The following ZFAT variants were observed in gnomAD, a reference collection of about 807,000 sequenced individuals.
The protein encoded by ZFAT is zinc finger and AT-hook domain containing.
ZFAT carries 64 observed loss-of-function variants against 117.7 expected under a neutral mutation model. That is an observed-to-expected ratio of 0.54 (90% CI 0.44 to 0.67). ZFAT has a LOEUF of 0.67. Ranked by LOEUF, ZFAT falls within the 30% of genes least tolerant of loss-of-function variation. The probability of loss-of-function intolerance (pLI) is 0.00; values close to 1 mark genes in which losing one functional copy is unlikely to be tolerated. For missense variants in ZFAT, 1,433 were observed against 1,584.5 expected (o/e 0.90, Z 1.62); for synonymous variants, 679 against 615.0 (o/e 1.10, Z -1.54).
chr8:134,484,363 G>A (rs1817525097), intron 15 of ZFAT, among the ~76,000 whole-genome samples: 2 of 152,210 alleles, frequency 1.3e-5, no homozygotes, highest in Non-Finnish European at 2.9e-5. Flanking sequence ...TGTAGAACCT[G>A]TAAGTGATGA....
intron 15 of ZFAT, among the ~76,000 whole-genome samples, chr8:134,480,078 C>T (rs1206200105): frequency 6.6e-6 from 1 of 151,962 alleles, no homozygotes; most frequent in Non-Finnish European, 1.5e-5. Flanking sequence ...CCTCCTGCCT[C>T]AGCCTCCCAA....
chr8:134,639,133 G>C (rs1830439479), intron 2 of ZFAT, among the ~76,000 whole-genome samples: 1 of 152,224 alleles, frequency 6.6e-6, no homozygotes. Flanking sequence ...ACAAATCAGA[G>C]AGGGAGGCCA....
At chr8:134,538,657 C>A (rs1340022250) in intron 11 of ZFAT, among the ~76,000 whole-genome samples, 1 of 151,392 alleles carries the variant, frequency 6.6e-6, no homozygotes, top group East Asian at 1.9e-4. Flanking sequence ...ATTAGCCGGG[C>A]ATGGTGGTAC....
At chr8:134,699,694 A>G (rs1383500006) in intron 1 of ZFAT, among the ~76,000 whole-genome samples, 1 of 152,194 alleles carries the variant, frequency 6.6e-6, no homozygotes, top group Non-Finnish European at 1.5e-5. Context: ...CCCTCCGTTT[A>G]TTTGTCTGTA....
chr8:134,805,149 AAAT>A, the ZFAT span, among the ~76,000 whole-genome samples: 17 of 152,234 alleles, frequency 1.1e-4, no homozygotes, highest in African/African-American at 3.6e-4. Flanking sequence ...TTTTAAAAGA[AAAT>A]ACGCATTACA....
At chr8:134,708,849 G>A (rs1813883632) in intron 1 of ZFAT, among the ~76,000 whole-genome samples, 1 of 152,194 alleles carries the variant, frequency 6.6e-6, no homozygotes, top group South Asian at 2.1e-4. Context: ...CTACTTGGGA[G>A]GCTGAGGCAG....
At chr8:134,722,361 G>T in the ZFAT span, among the ~76,000 whole-genome samples, 2 of 151,998 alleles carry the variant, frequency 1.3e-5, no homozygotes, top group African/African-American at 4.8e-5. Flanking sequence ...TTGCCCTATC[G>T]CATTCAAGGG....
the ZFAT span, among the ~76,000 whole-genome samples, chr8:134,782,986 T>C: frequency 3.3e-5 from 5 of 152,054 alleles, no homozygotes; most frequent in Non-Finnish European, 7.4e-5. Flanking sequence ...AATATATATA[T>C]ATATACACAC....
the ZFAT span, among the ~76,000 whole-genome samples, chr8:134,773,110 A>T: frequency 6.6e-6 from 1 of 151,464 alleles, no homozygotes; most frequent in South Asian, 2.1e-4. Flanking sequence ...AAAAAAAAAA[A>T]AATAGAAAAA....
Position 134,503,133 on chromosome 8 carries a change from G to A in ZFAT, c.3492+6486C>T, listed in dbSNP as rs549627343. ...CTAGACATCTACTCCCATGGGGGCA[G>A]TGGCAACAATGGTTTGCTTACTCAT... On this transcript the variant is annotated intron_variant, in intron 15 of 15. Transcript: ENST00000377838. 2.0e-5 allele frequency among the ~76,000 whole-genome samples: 3 copies of A among 152,354 alleles called. No individual in the cohort carries two copies. The East Asian group carries it at 5.8e-4, about 29-fold the overall frequency.
intron 15 of ZFAT, among the ~76,000 whole-genome samples, chr8:134,496,219 T>A (rs1818425002): frequency 6.6e-6 from 1 of 152,248 alleles, no homozygotes; most frequent in African/African-American, 2.4e-5. Flanking sequence ...AGTTCCATGA[T>A]CTTCCCATTA....
chr8:134,737,475 C>G, the ZFAT span, among the ~76,000 whole-genome samples: 8 of 152,142 alleles, frequency 5.3e-5, no homozygotes, highest in African/African-American at 1.7e-4. Flanking sequence ...AGCCAGGGCT[C>G]TGTGTGTTCA....
At chr8:134,662,205 C>T (rs1219145539) in intron 1 of ZFAT, among the ~76,000 whole-genome samples, 1 of 152,098 alleles carries the variant, frequency 6.6e-6, no homozygotes, top group African/African-American at 2.4e-5. Context: ...TTTATAACAG[C>T]AATAATTCCA....
intron 3 of ZFAT, among the ~76,000 whole-genome samples, chr8:134,619,293 T>C (rs191242317): frequency 6.6e-6 from 1 of 151,672 alleles, no homozygotes; most frequent in Non-Finnish European, 1.5e-5. Flanking sequence ...GAAACAAAAA[T>C]AAAAGATCAA....
At chr8:134,483,421 T>C (rs565389478) in intron 15 of ZFAT, among the ~76,000 whole-genome samples, 10 of 152,314 alleles carry the variant, frequency 6.6e-5, no homozygotes, top group Admixed American at 5.9e-4. Flanking sequence ...GGATCCCATG[T>C]TATGGGTTGA....
chr8:134,506,336 G>A (rs755799818), intron 15 of ZFAT, among the ~76,000 whole-genome samples: 1 of 152,198 alleles, frequency 6.6e-6, no homozygotes, highest in Non-Finnish European at 1.5e-5. Context: ...AGTGGGGCAC[G>A]CAAGCATGAT....
the ZFAT span, among the ~76,000 whole-genome samples, chr8:134,721,994 T>C: frequency 6.6e-6 from 1 of 152,230 alleles, no homozygotes; most frequent in Non-Finnish European, 1.5e-5. Flanking sequence ...CATTCATTCA[T>C]TCCTTAAGCA....
At chr8:134,530,546 C>A (rs932216435) in intron 12 of ZFAT, among the ~76,000 whole-genome samples, 1 of 152,176 alleles carries the variant, frequency 6.6e-6, no homozygotes, top group African/African-American at 2.4e-5. Flanking sequence ...AGCACAACGG[C>A]GCATGGCCTC....
the ZFAT span, among the ~76,000 whole-genome samples, chr8:134,832,227 C>T: frequency 6.6e-6 from 1 of 151,700 alleles, no homozygotes; most frequent in Non-Finnish European, 1.5e-5. Flanking sequence ...TCATGGCGCG[C>T]GGCGGCGGCA....
Sources: allele counts gnomAD v4.1 joint callset (sites outside exome capture counted in the v4.1 genomes callset), GRCh38; gene constraint gnomAD v4.1.1; transcripts MANE v1.5; gene names NCBI Gene and HGNC (gene_info 2026-07-23, HGNC 2026-07-21).